Variants in CCDC102B observed in about 807,000 individuals in gnomAD.
CCDC102B encodes the protein coiled-coil domain containing 102B.
Under a neutral mutation model 57.4 loss-of-function variants are expected in CCDC102B, and 75 were observed. The ratio of observed to expected loss-of-function variants is 1.31; its 90% CI spans 1.08 to 1.58. The LOEUF (loss-of-function observed/expected upper bound fraction) is 1.58, where lower values mean the gene tolerates loss of function less well. Ranked by LOEUF, CCDC102B falls within the 40% of genes most tolerant of loss-of-function variation. The pLI, the probability that CCDC102B is intolerant of heterozygous loss-of-function variation, is 0.00. For missense variants in CCDC102B, 636 were observed against 582.6 expected (o/e 1.09, Z -0.94); for synonymous variants, 206 against 201.9 (o/e 1.02, Z -0.17).
chr18:68,786,773 A>G (rs2035229382), intron 2 of CCDC102B, among the ~76,000 whole-genome samples: 1 of 150,746 alleles, frequency 6.6e-6, no homozygotes, highest in Non-Finnish European at 1.5e-5. Flanking sequence ...TCGTCTGCAA[A>G]CAGGGACAAT....
chr18:68,778,458 G>T (rs966568388), intron 2 of CCDC102B, among the ~76,000 whole-genome samples: 4 of 152,068 alleles, frequency 2.6e-5, no homozygotes, highest in Non-Finnish European at 4.4e-5. Context: ...AGATGTACCC[G>T]GTTTTAGTTT....
At chr18:68,752,044 G>A (rs1336081577) in intron 2 of CCDC102B, among the ~76,000 whole-genome samples, 1 of 152,046 alleles carries the variant, frequency 6.6e-6, no homozygotes, top group African/African-American at 2.4e-5. Context: ...GGCAGATCAC[G>A]AGGTCAGGAG....
At chr18:68,931,173 A>G (rs1356020277) in intron 6 of CCDC102B, among the ~76,000 whole-genome samples, 1 of 151,764 alleles carries the variant, frequency 6.6e-6, no homozygotes, top group Non-Finnish European at 1.5e-5. Context: ...GTCGCATTGT[A>G]TTGACCAGAG....
chr18:68,900,948 T>A (rs929371970), intron 6 of CCDC102B, among the ~76,000 whole-genome samples: 27 of 152,258 alleles, frequency 1.8e-4, no homozygotes, highest in African/African-American at 6.0e-4. Flanking sequence ...AATTGCACTG[T>A]CACCAGATAA....
At chr18:68,767,017 G>A (rs530879109) in intron 2 of CCDC102B, among the ~76,000 whole-genome samples, 394 of 152,178 alleles carry the variant, frequency 2.6e-3, no homozygotes, top group African/African-American at 9.2e-3. Context: ...TACACACTTC[G>A]GTAAATGCAG....
chr18:68,814,272 A>G (rs1191286374), intron 1 of CCDC102B, among the ~76,000 whole-genome samples: 1 of 137,196 alleles, frequency 7.3e-6, no homozygotes, highest in Non-Finnish European at 1.7e-5. Context: ...TTTTGCAATT[A>G]ATCACTTTTT....
At chr18:69,026,110 G>C (rs1221569992) in intron 7 of CCDC102B, among the ~76,000 whole-genome samples, 1 of 152,094 alleles carries the variant, frequency 6.6e-6, no homozygotes, top group Admixed American at 6.6e-5. Context: ...GGGGGAGAAC[G>C]TGTGATTCAG....
intron 1 of CCDC102B, among the ~76,000 whole-genome samples, chr18:68,807,994 C>G (rs1008243694): frequency 2.6e-5 from 4 of 152,000 alleles, no homozygotes; most frequent in African/African-American, 9.7e-5. Context: ...AACTAATCTT[C>G]GAATCAAAAG....
chr18:68,805,364 C>G (rs2035996877), intron 1 of CCDC102B, among the ~76,000 whole-genome samples: 1 of 152,036 alleles, frequency 6.6e-6, no homozygotes, highest in Non-Finnish European at 1.5e-5. Flanking sequence ...GAAGTGAGAC[C>G]AGATAGCAAT....
chr18:68,930,021 T>A (rs1372792089), intron 6 of CCDC102B, among the ~76,000 whole-genome samples: 1 of 151,600 alleles, frequency 6.6e-6, no homozygotes, highest in African/African-American at 2.4e-5. Flanking sequence ...TTTGTTTGTG[T>A]GTTTTTTATT....
intron 7 of CCDC102B, among the ~76,000 whole-genome samples, chr18:69,022,099 C>T (rs9965016): frequency 0.034 from 5,120 of 151,712 alleles, 297 homozygotes; most frequent in African/African-American, 0.12. Flanking sequence ...GTTTTAAGGA[C>T]GGGTTATATG....
chr18:68,759,161 A>G (rs1347210617), intron 2 of CCDC102B, among the ~76,000 whole-genome samples: 1 of 152,030 alleles, frequency 6.6e-6, no homozygotes, highest in African/African-American at 2.4e-5. Context: ...AGAGTATAAC[A>G]AAGAAAGAAA....
At chr18:68,733,608 C>A (rs72955928) in intron 2 of CCDC102B, among the ~76,000 whole-genome samples, 19 of 150,758 alleles carry the variant, frequency 1.3e-4, no homozygotes, top group Non-Finnish European at 2.8e-4. Flanking sequence ...TTGCAATAAA[C>A]CCTTATATCA....
chr18:68,721,090 CTG>C (rs919456014), intron 2 of CCDC102B: 4 of 152,230 alleles, frequency 2.6e-5, no homozygotes, highest in Non-Finnish European at 5.9e-5. Context: ...CACCCAGAGA[CTG>C]TGAGATTGCT....
At chr18:68,739,383 CCTTTG>C (rs1184119797) in intron 2 of CCDC102B, among the ~76,000 whole-genome samples, 1 of 152,140 alleles carries the variant, frequency 6.6e-6, no homozygotes, top group Non-Finnish European at 1.5e-5. Context: ...TTATTCTTTT[CCTTTG>C]CTTTTACTCA....
chr18:68,777,498 C>A (rs781569423), intron 2 of CCDC102B, among the ~76,000 whole-genome samples: 1 of 152,142 alleles, frequency 6.6e-6, no homozygotes, highest in Non-Finnish European at 1.5e-5. Context: ...ACTTTCACTT[C>A]ATGTTGGGCC....
At chr18:68,757,064 G>A (rs1290753628) in intron 2 of CCDC102B, among the ~76,000 whole-genome samples, 4 of 151,994 alleles carry the variant, frequency 2.6e-5, no homozygotes, top group Non-Finnish European at 4.4e-5. Flanking sequence ...AATGTGCCCC[G>A]CCTCCATCAG....
intron 6 of CCDC102B, among the ~76,000 whole-genome samples, chr18:68,925,667 G>A (rs2041452218): frequency 6.6e-6 from 1 of 151,946 alleles, no homozygotes; most frequent in South Asian, 2.1e-4. Context: ...TGTACTTATA[G>A]GTGGTTACTA....
chr18:69,043,480 T>C lies in CCDC102B; in HGVS notation c.1435-10550T>C, dbSNP rs561769285. ...TCAGACTATCACATGGGGAGAAACC[T>C]TGGACAATACCTGGCTTTCCTAGGC... is the stretch of plus-strand genomic sequence containing the variant. On this transcript the variant is annotated intron_variant, in intron 7 of 7. Transcript: ENST00000360242. Among the ~76,000 whole-genome samples, 90 of 152,208 alleles carry C rather than the reference T, an allele frequency of 5.9e-4. 1 individual carries two copies. The highest frequency in any genetic ancestry group is 2.0e-3 in the African/African-American group (82 of 41,560).
Sources: allele counts gnomAD v4.1 joint callset (sites outside exome capture counted in the v4.1 genomes callset), GRCh38; gene constraint gnomAD v4.1.1; transcripts MANE v1.5; gene names NCBI Gene and HGNC (gene_info 2026-07-23, HGNC 2026-07-21).